The following KMT2B variants were observed in gnomAD, a reference collection of about 807,000 sequenced individuals.
KMT2B encodes histone-lysine N-methyltransferase 2B.
In KMT2B, 22 loss-of-function variants were observed where a neutral mutation model predicts 255.3. The observed-to-expected ratio is 0.09, with a 90% CI of 0.06 to 0.12. KMT2B has a LOEUF of 0.12. KMT2B is among the 10% of genes least tolerant of loss of function. The pLI, the probability that KMT2B is intolerant of heterozygous loss-of-function variation, is 1.00. For missense variants in KMT2B, 3,149 were observed against 3,737.0 expected (o/e 0.84, Z 4.10); for synonymous variants, 1,730 against 1,498.1 (o/e 1.15, Z -3.57).
chr19:35,731,291 T>C (rs938515501), intron 26 of KMT2B, among the ~76,000 whole-genome samples: 2 of 152,240 alleles, frequency 1.3e-5, no homozygotes, highest in African/African-American at 2.4e-5. Context: ...ACAGCCACAC[T>C]GGCTGTGGGA....
Position 35,719,943 on chromosome 19 carries a change from G to C in KMT2B, c.596G>C (p.Arg199Pro). The C allele has an allele frequency of 2.5e-6, 4 of 1,613,386 alleles. No homozygotes were observed. The highest frequency in any genetic ancestry group is 3.4e-6 in the Non-Finnish European group (4 of 1,179,856). ...MVQALTELLR[R>P]AQAPQAPRSR... ...CAGGCACTGACTGAACTTCTCCGGCGGGCCCAGGCACCCCAAGCACCCCGG... is the reference window on the plus strand; with the variant it reads ...CAGGCACTGACTGAACTTCTCCGGCCGGCCCAGGCACCCCAAGCACCCCGG... The change falls in exon 3 of 37, where the codon CGG becomes CCG. Residue 199 changes from arginine to proline, a missense_variant. This residue lies in a region of KMT2B where 1,188 missense variants were observed against 1,106.4 expected (regional missense o/e 1.07). Coordinates refer to ENST00000420124, the MANE Select transcript of KMT2B (RefSeq NM_014727.3).
rs1969505297 is a variant in KMT2B at position 35,727,474 on chromosome 19, C to T, written c.4154C>T (p.Ser1385Leu). ...GAGATCCTTTCAGGACTGCCAGACT[C>T]GGTGCTGTACACCTGCGGACCGTGT... ...DYEILSGLPD[S>L]VLYTCGPCAG... Residue 1385 changes from serine to leucine, a missense_variant, in exon 16 of 37, where the codon TCG becomes TTG. Ser to Leu is a moderately radical substitution (Grantham distance 145). This residue lies in a region of KMT2B where 377 missense variants were observed against 471.0 expected (regional missense o/e 0.80). Transcript: ENST00000420124. This position sits in a 1 kb window ranked among gnomAD's most constrained non-coding sequence, Gnocchi z 4.2. 1 of 1,612,914 alleles carries T rather than the reference C, an allele frequency of 6.2e-7. No individual in the cohort carries two copies. The highest frequency in any genetic ancestry group is 8.5e-7 in the Non-Finnish European group (1 of 1,179,854).
At chr19:35,719,712 G>T in intron 2 of KMT2B, 72 bp from the exon 3 acceptor site, 1 of 1,533,276 alleles carries the variant, frequency 6.5e-7, no homozygotes, top group Non-Finnish European at 8.8e-7. Context: ...CTTAGTCCCT[G>T]CCCTCCTGGA....
intron 23 of KMT2B, 108 bp from the exon 24 acceptor site, chr19:35,730,234 A>G: frequency 6.3e-7 from 1 of 1,595,292 alleles, no homozygotes; most frequent in Non-Finnish European, 8.6e-7. Flanking sequence ...GTGTCTCCTC[A>G]TCTGTTTTCC....
rs748406893 is a variant in KMT2B, at chr19:35,724,751, A to C, written c.3429+20A>C. 1 of 1,559,278 alleles carries C rather than the reference A, an allele frequency of 6.4e-7. No homozygotes were observed. Among genetic ancestry groups the C allele is most frequent in the Non-Finnish European group, 8.7e-7 (1 of 1,150,858 alleles). ...GACAAGGTCAGCACGGCCCGCTCCGAGAGCCCCTTCCCTCCAGGAGCTACC... is the reference window on the plus strand; with the variant it reads ...GACAAGGTCAGCACGGCCCGCTCCGCGAGCCCCTTCCCTCCAGGAGCTACC... On this transcript the variant is annotated intron_variant, in intron 9 of 36. Transcript: ENST00000420124.
chr19:35,724,371 A>G (rs1969343882), intron 8 of KMT2B, among the ~76,000 whole-genome samples: 2 of 152,140 alleles, frequency 1.3e-5, no homozygotes, highest in Admixed American at 1.3e-4. Context: ...GGTGGCACGC[A>G]TCTGTGGTCT....
In KMT2B at chr19:35,718,235, C is replaced by T. The variant is rs1599665480; in HGVS notation, c.217C>T (p.Leu73Phe). The change falls in exon 1 of 37, where the codon CTC becomes TTC. Residue 73 changes from leucine to phenylalanine, a missense_variant. Leu to Phe is a conservative substitution (Grantham distance 22, BLOSUM62 0). Coordinates refer to ENST00000420124, the MANE Select transcript of KMT2B (RefSeq NM_014727.3). This position sits in a 1 kb window ranked among gnomAD's most constrained non-coding sequence, Gnocchi z 5.0. ...EDTALLRLLG[L>F]RRGLRRLRRL... ...CACGGCCCTGCTCCGTTTGCTGGGG[C>T]TCCGCCGGGGCCTGCGCCGGCTCCG... 4.2e-6 allele frequency: 5 copies of T among 1,184,974 alleles called. No homozygotes were observed. In the East Asian group the frequency reaches 1.5e-4, roughly 36 times the overall value. The allele number at this position is 1,184,974 out of a possible 1,614,324, so 73.4% of individuals were successfully genotyped here. A position where few individuals can be genotyped will look rare whatever the true frequency, so the allele number is the denominator to read the frequency against.
At chr19:35,726,145 T>G in intron 13 of KMT2B, 91 bp from the exon 14 acceptor site, 1 of 941,444 alleles carries the variant, frequency 1.1e-6, no homozygotes. Context: ...GCCTGCTTCC[T>G]GCATATCCCC....
rs780053167 is a variant in KMT2B, at chr19:35,723,181, G to A, written c.2909G>A (p.Arg970Gln). Residue 970 changes from arginine (R) to glutamine (Q), a missense_variant, in exon 6 of 37, where the codon CGG becomes CAG. By Grantham distance (43) the Arg-to-Gln change is conservative (BLOSUM62 1). Around this residue, in one of 18 missense-constraint regions of KMT2B, gnomAD observed 132 missense variants for 174.7 expected, o/e 0.76. Transcript: ENST00000420124. The surrounding 1 kb of genome is among the most constrained non-coding windows in gnomAD (Gnocchi z 7.5). The part of the protein sequence containing the change: ...KMRMARCGHC[R>Q]GCLRVQDCGS... Reference sequence around the variant, plus strand: ...CGCATGGCTCGATGTGGACACTGTCGGGGCTGCCTACGTGTGCAGGACTGT... The same window carrying A: ...CGCATGGCTCGATGTGGACACTGTCAGGGCTGCCTACGTGTGCAGGACTGT... 11 of 1,613,384 alleles carry A rather than the reference G, an allele frequency of 6.8e-6. No individual in the cohort carries two copies. Among genetic ancestry groups the A allele is most frequent in the Non-Finnish European group, 9.3e-6 (11 of 1,179,874 alleles).
At position 35,718,169 on chromosome 19, in the gene KMT2B, G is replaced by A. The variant is rs1243908227; in HGVS notation, c.151G>A (p.Gly51Ser). 4 of 1,090,698 alleles carry A rather than the reference G, an allele frequency of 3.7e-6. No homozygotes were observed. The highest frequency in any genetic ancestry group is 4.4e-6 in the Non-Finnish European group (4 of 898,900). 67.6% of individuals were successfully genotyped at this position (1,090,698 alleles called of 1,614,324 possible). A position where few individuals can be genotyped will look rare whatever the true frequency, so the allele number is the denominator to read the frequency against. Residue 51 changes from glycine (G) to serine (S), a missense_variant, in exon 1 of 37, where the codon GGT becomes AGT. Gly to Ser is a moderately conservative substitution (Grantham distance 56). This residue lies in a region of KMT2B where 1,188 missense variants were observed against 1,106.4 expected (regional missense o/e 1.07). Coordinates refer to ENST00000420124, the MANE Select transcript of KMT2B (RefSeq NM_014727.3). The surrounding 1 kb of genome is among the most constrained non-coding windows in gnomAD (Gnocchi z 5.0). ...ERVRVALRRG[G>S]GATGPGGAEP... Reference sequence around the variant, plus strand: ...AGTGCGGGTAGCTCTGCGGCGCGGCGGTGGCGCGACGGGGCCGGGCGGAGC... The same window carrying A: ...AGTGCGGGTAGCTCTGCGGCGCGGCAGTGGCGCGACGGGGCCGGGCGGAGC...
Position 35,719,863 on chromosome 19 carries a change from C to A in KMT2B, c.516C>A (p.Thr172=), listed in dbSNP as rs757174972. The A allele has an allele frequency of 2.5e-5, 41 of 1,613,134 alleles. No individual in the cohort carries two copies. Among genetic ancestry groups the A allele is most frequent in the Admixed American group, 3.3e-5 (2 of 59,980 alleles). ...PPPRLADVAP[T]PPKTPARKRG... is the part of the protein sequence containing the mutation. ...CTCGCCTAGCAGATGTGGCTCCTAC[C>A]CCCCCAAAGACCCCTGCCCGGAAAC... The change falls in exon 3 of 37, where the codon ACC becomes ACA. Residue 172 remains threonine (T), a synonymous_variant. Transcript: ENST00000420124.
In KMT2B at chr19:35,732,057, G is replaced by C. The variant is rs908169828; in HGVS notation, c.5587G>C (p.Ala1863Pro). The C allele has an allele frequency of 6.2e-7, 1 of 1,611,384 alleles. No homozygotes were observed. Among genetic ancestry groups the C allele is most frequent in the Non-Finnish European group, 8.5e-7 (1 of 1,178,950 alleles). ...TCCAGCCCCCCGTTCTTTTTCGGGG[G>C]CTCGAATCAAAGTGCCCAACTACTC... is the stretch of plus-strand genomic sequence containing the variant. ...PPPAPRSFSG[A>P]RIKVPNYSPS... The change falls in exon 27 of 37, where the codon GCT becomes CCT. Residue 1863 changes from alanine (A) to proline (P), a missense_variant. By Grantham distance (27) the Ala-to-Pro change is conservative. This residue lies in a region of KMT2B where 897 missense variants were observed against 825.3 expected (regional missense o/e 1.09). Transcript: ENST00000420124.
At position 35,726,229 on chromosome 19, in the gene KMT2B, C is replaced by T. The variant is rs189318869; in HGVS notation, c.3886-7C>T. 12 of 1,609,992 alleles carry T rather than the reference C, an allele frequency of 7.5e-6. No individual in the cohort carries two copies. The East Asian group carries it at 1.8e-4, about 24-fold the overall frequency. On this transcript the variant is annotated splice_region_variant and splice_polypyrimidine_tract_variant and intron_variant, in intron 13 of 36. Transcript: ENST00000420124. Reference sequence around the variant, plus strand: ...GGTTTTCCCCTAACATCGCCCTGCTCCCCCAGATCTGTTCAGCCTGTGTGC... The same window carrying T: ...GGTTTTCCCCTAACATCGCCCTGCTTCCCCAGATCTGTTCAGCCTGTGTGC...
Position 35,720,225 on chromosome 19 carries a change from G to A in KMT2B, c.878G>A (p.Arg293Lys). 6.2e-7 allele frequency: 1 copy of A among 1,610,812 alleles called. No homozygotes were observed. The highest frequency in any genetic ancestry group is 8.5e-7 in the Non-Finnish European group (1 of 1,178,788). The change falls in exon 3 of 37, where the codon AGG becomes AAG. Residue 293 changes from arginine (R) to lysine (K), a missense_variant. By Grantham distance (26) the Arg-to-Lys change is conservative (BLOSUM62 2). Transcript: ENST00000420124. ...GQSSRGGRGG[R>K]GRGRGGGLPF... ...TCAAGCCGTGGAGGCCGTGGAGGCA[G>A]GGGCCGCGGCCGAGGTGGTGGGCTC...
Position 35,733,037 on chromosome 19 carries a change from T to A in KMT2B, c.6488T>A (p.Phe2163Tyr), listed in dbSNP as rs777485816. Residue 2163 changes from phenylalanine to tyrosine, a missense_variant, in exon 28 of 37, where the codon TTT (phenylalanine) becomes TAT (tyrosine). Transcript: ENST00000420124. This position sits in a 1 kb window ranked among gnomAD's most constrained non-coding sequence, Gnocchi z 4.3. ...AGCCCAGCTGACCCCACCCGCACAT[T>A]TGCCTGGCTCCCAGGGGCCCCAGGG... ...TASPADPTRTFAWLPGAPGVR... is the reference protein window; with the variant it reads ...TASPADPTRTYAWLPGAPGVR... 1.5e-5 allele frequency: 24 copies of A among 1,589,352 alleles called. No homozygotes were observed. The East Asian group carries it at 4.8e-4, about 32-fold the overall frequency.
At position 35,720,655 on chromosome 19, in the gene KMT2B, G is replaced by A. The variant is rs538356442; in HGVS notation, c.1308G>A (p.Val436=). 82 of 1,288,740 alleles carry A rather than the reference G, an allele frequency of 6.4e-5. 1 individual carries two copies. The South Asian group carries it at 1.2e-3, about 19-fold the overall frequency. 79.8% of individuals were successfully genotyped at this position (1,288,740 alleles called of 1,614,324 possible). The part of the protein sequence containing the change: ...PPLCPPPPPP[V]SPPPLPSPPP... ...TCTGCCCTCCACCACCACCCCCAGTGTCCCCACCACCTCTACCATCCCCTC... is the reference window on the plus strand; with the variant it reads ...TCTGCCCTCCACCACCACCCCCAGTATCCCCACCACCTCTACCATCCCCTC... The change falls in exon 3 of 37, where the codon GTG becomes GTA. Residue 436 remains valine (V), a synonymous_variant. Coordinates refer to ENST00000420124, the MANE Select transcript of KMT2B (RefSeq NM_014727.3).
chr19:35,721,939 C>A (rs1467244689), intron 3 of KMT2B, 135 bp downstream of exon 3: 56 of 1,230,138 alleles, frequency 4.6e-5, no homozygotes, highest in Non-Finnish European at 5.9e-5. Flanking sequence ...CTGTGATCCC[C>A]CACCTTCCTT....
In KMT2B at chr19:35,733,288, G is replaced by C. The variant is rs376011791; in HGVS notation, c.6739G>C (p.Gly2247Arg). The change falls in exon 28 of 37, where the codon GGA (glycine) becomes CGA (arginine). Residue 2247 changes from glycine to arginine, a missense_variant. Gly to Arg is a moderately radical substitution (Grantham distance 125, BLOSUM62 -2). Coordinates refer to ENST00000420124, the MANE Select transcript of KMT2B (RefSeq NM_014727.3). This position sits in a 1 kb window ranked among gnomAD's most constrained non-coding sequence, Gnocchi z 4.3. ...CCTCCTCGGCGTGCTGCCCGTGGTC[G>C]GAGTGGTCCGCCCTGCCCCGCCCCC... ...GPLLGVLPVVGVVRPAPPPPP... is the reference protein window; with the variant it reads ...GPLLGVLPVVRVVRPAPPPPP... 6.7e-7 allele frequency: 1 copy of C among 1,486,766 alleles called. No homozygotes were observed. The highest frequency in any genetic ancestry group is 2.0e-5 in the Admixed American group (1 of 50,336). 92.1% of individuals were successfully genotyped at this position (1,486,766 alleles called of 1,614,324 possible).
In KMT2B at chr19:35,721,711, AGAG is replaced by A. The variant is rs1264679964; in HGVS notation, c.2368_2370del (p.Glu790del). The A allele has an allele frequency of 1.9e-6, 3 of 1,610,612 alleles. No homozygotes were observed. The highest frequency in any genetic ancestry group is 2.2e-5 in the East Asian group (1 of 44,718). ...TGGGTTCCTTGCCGCTGTCTGGGGT[AGAG>A]GAGAAGATGTTCAGCCTCCTCAAGA... On this transcript the variant is annotated inframe_deletion, in exon 3 of 37. Coordinates refer to ENST00000420124, the MANE Select transcript of KMT2B (RefSeq NM_014727.3).
Sources: allele counts gnomAD v4.1 joint callset (sites outside exome capture counted in the v4.1 genomes callset), GRCh38; gene constraint gnomAD v4.1.1; regional missense constraint gnomAD v4.1.1; non-coding constraint Gnocchi (gnomAD v3.1); transcripts MANE v1.5; gene names NCBI Gene and HGNC (gene_info 2026-07-23, HGNC 2026-07-21).